The following TK2 variants were observed in gnomAD, a reference collection of about 807,000 sequenced individuals.
The protein encoded by TK2 is thymidine kinase 2, also known as thymidine kinase 2, mitochondrial.
Under a neutral mutation model 41.9 loss-of-function variants are expected in TK2, and 35 were observed. That is an observed-to-expected ratio of 0.84 (90% CI 0.64 to 1.11). The LOEUF is 1.11. TK2 is among the 50% of genes least tolerant of loss of function. The pLI is 0.00. For synonymous variants in TK2, 128 were observed against 129.1 expected (o/e 0.99, Z 0.06); for missense variants, 320 against 351.1 (o/e 0.91, Z 0.71).
chr16:66,531,416 C>T lies in TK2; in HGVS notation c.339G>A (p.Val113=). The T allele has an allele frequency of 6.2e-7, 1 of 1,614,210 alleles. No individual in the cohort carries two copies. ...SRWGLTLQTY[V]QLTMLDRHTR... ...TATGCCTGTCCAGCATGGTGAGCTGCACATAAGTCTGTAGCGTAAGACCCC... is the reference window on the plus strand; with the variant it reads ...TATGCCTGTCCAGCATGGTGAGCTGTACATAAGTCTGTAGCGTAAGACCCC... Residue 113 remains valine, a synonymous_variant, in exon 5 of 10, where the codon GTG becomes GTA. Coordinates refer to ENST00000544898, the MANE Select transcript of TK2 (RefSeq NM_004614.5).
chr16:66,550,198 C>G, upstream of TK2: 1 of 1,611,972 alleles, frequency 6.2e-7, no homozygotes. Flanking sequence ...TTCATCTCAG[C>G]AAGAGGAGAA....
intron 4 of TK2, among the ~76,000 whole-genome samples, chr16:66,534,235 C>T (rs1965210044): frequency 6.6e-6 from 1 of 152,054 alleles, no homozygotes; most frequent in Non-Finnish European, 1.5e-5. Context: ...CAGATGCACC[C>T]CTTCAACCCT....
chr16:66,527,261 T>C (rs1964962789), intron 6 of TK2, among the ~76,000 whole-genome samples: 1 of 152,206 alleles, frequency 6.6e-6, no homozygotes, highest in African/African-American at 2.4e-5. Flanking sequence ...TCACCTTGGC[T>C]GCCAGCCCCT....
At chr16:66,513,929 G>T (rs1964528894) in intron 8 of TK2, 118 bp from the exon 9 acceptor site, 2 of 892,988 alleles carry the variant, frequency 2.2e-6, no homozygotes, top group African/African-American at 1.7e-5. Context: ...TCAGACAAAG[G>T]AACCCTGCAA....
chr16:66,539,140 A>C (rs1965375338), intron 3 of TK2, among the ~76,000 whole-genome samples: 2 of 152,160 alleles, frequency 1.3e-5, no homozygotes, highest in Non-Finnish European at 2.9e-5. Context: ...TGAGACTATA[A>C]GCACTTCTAA....
At chr16:66,544,614 G>A (rs986917517) in intron 2 of TK2, among the ~76,000 whole-genome samples, 4 of 152,094 alleles carry the variant, frequency 2.6e-5, no homozygotes, top group Admixed American at 6.5e-5. Flanking sequence ...GCACATGGCC[G>A]GCCTGGCCCA....
At chr16:66,549,333 T>C (rs1965708917) in intron 1 of TK2, 2 of 1,165,326 alleles carry the variant, frequency 1.7e-6, no homozygotes, top group Non-Finnish European at 2.1e-6. Context: ...CAGCCTCCAC[T>C]CGCGGTGCAC....
chr16:66,528,953 T>G, intron 6 of TK2, 41 bp downstream of exon 6: 1 of 1,580,400 alleles, frequency 6.3e-7, no homozygotes, highest in South Asian at 1.1e-5. Context: ...TTTTGAAAAA[T>G]TAGTGGTTTA....
At chr16:66,543,752 C>A (rs560921916) in intron 2 of TK2, among the ~76,000 whole-genome samples, 4 of 152,198 alleles carry the variant, frequency 2.6e-5, no homozygotes, top group African/African-American at 9.6e-5. Context: ...GCCGTCTCAC[C>A]CGACCCCACT....
At chr16:66,536,884 G>T (rs1351034908) in intron 4 of TK2, 80 bp downstream of exon 4, 3 of 1,520,702 alleles carry the variant, frequency 2.0e-6, no homozygotes, top group African/African-American at 1.4e-5. Flanking sequence ...GCCTGGGCAG[G>T]CAGGGCTCAG....
Position 66,508,707 on chromosome 16 carries a change from G to A in TK2, c.*3261C>T, listed in dbSNP as rs1175637187. ...TCGGGTCTAATGGTGCATGTCTGCA[G>A]GAAGATTGTTCTGACTGATATATTC... On this transcript the variant is annotated 3_prime_UTR_variant, in exon 10 of 10. Coordinates refer to ENST00000544898, the MANE Select transcript of TK2 (RefSeq NM_004614.5). 1 of 152,270 alleles carries A rather than the reference G, an allele frequency of 6.6e-6. No individual in the cohort carries two copies. Among genetic ancestry groups the A allele is most frequent in the Non-Finnish European group, 1.5e-5 (1 of 68,064 alleles). 9.4% of individuals were successfully genotyped at this position (152,270 alleles called of 1,614,324 possible). A position where few individuals can be genotyped will look rare whatever the true frequency, so the allele number is the denominator to read the frequency against.
intron 3 of TK2, among the ~76,000 whole-genome samples, chr16:66,538,327 T>A (rs1965350897): frequency 6.6e-6 from 1 of 152,118 alleles, no homozygotes; most frequent in African/African-American, 2.4e-5. Flanking sequence ...AACTCCTGTA[T>A]ACCCTTCAAA....
At chr16:66,513,499 AG>A (rs1964511751) in intron 9 of TK2, among the ~76,000 whole-genome samples, 1 of 152,206 alleles carries the variant, frequency 6.6e-6, no homozygotes, top group African/African-American at 2.4e-5. Context: ...GACAACTGCC[AG>A]GTGTGATGGC....
chr16:66,537,777 C>T (rs1408365335), intron 3 of TK2, among the ~76,000 whole-genome samples: 2 of 152,172 alleles, frequency 1.3e-5, no homozygotes, highest in African/African-American at 4.8e-5. Context: ...CTTCAGAGTG[C>T]CAGGATCCAT....
In TK2 at chr16:66,510,521, C is replaced by G. The variant is rs1964420768; in HGVS notation, c.*1447G>C. The G allele has an allele frequency of 6.6e-6, 1 of 152,252 alleles. No individual in the cohort carries two copies. The highest frequency in any genetic ancestry group is 2.4e-5 in the African/African-American group (1 of 41,456). 9.4% of individuals were successfully genotyped at this position (152,252 alleles called of 1,614,324 possible). ...TGACTTCCTAACTCTCTGGGACTGG[C>G]CCAGCAGGGGCACTTGGCACCTCTG... On this transcript the variant is annotated 3_prime_UTR_variant, in exon 10 of 10. Coordinates refer to ENST00000544898, the MANE Select transcript of TK2 (RefSeq NM_004614.5).
chr16:66,522,116 C>T (rs974576674), intron 6 of TK2, among the ~76,000 whole-genome samples: 1 of 152,166 alleles, frequency 6.6e-6, no homozygotes, highest in African/African-American at 2.4e-5. Context: ...CTCTCCCTAC[C>T]CCCAAACCCA....
At chr16:66,535,444 G>A (rs1965247983) in intron 4 of TK2, among the ~76,000 whole-genome samples, 1 of 152,122 alleles carries the variant, frequency 6.6e-6, no homozygotes, top group South Asian at 2.1e-4. Flanking sequence ...ATGTTACAGA[G>A]GTTTCTTTGT....
rs1054681621 is a variant in TK2, at chr16:66,509,197, G to A, written c.*2771C>T. On this transcript the variant is annotated 3_prime_UTR_variant, in exon 10 of 10. Transcript: ENST00000544898. ...ATCTGGATTAAAGAGTGGATGGGGA[G>A]CAGTGGGCTCTGATGCCAACCGTGC... The A allele has an allele frequency of 6.6e-6, 1 of 152,390 alleles. No individual in the cohort carries two copies. Among genetic ancestry groups the A allele is most frequent in the African/African-American group, 2.4e-5 (1 of 41,588 alleles). The allele number at this position is 152,390 out of a possible 1,614,324, so 9.4% of individuals were successfully genotyped here.
chr16:66,531,533 CAA>C lies in TK2; in HGVS notation c.286-66_286-65del. Reference sequence around the variant, plus strand: ...CATCTGCAGGAGGACCCTGGTCTCACAAGGCACTGAAGGACAGCTCAAGAAAC... The same window carrying C: ...CATCTGCAGGAGGACCCTGGTCTCACGGCACTGAAGGACAGCTCAAGAAAC... On this transcript the variant is annotated intron_variant, in intron 4 of 9. Transcript: ENST00000544898. The C allele has an allele frequency of 4.6e-6, 7 of 1,518,454 alleles. No homozygotes were observed. The South Asian group carries it at 8.0e-5, about 17-fold the overall frequency. The allele number at this position is 1,518,454 out of a possible 1,614,324, so 94.1% of individuals were successfully genotyped here.
Sources: allele counts gnomAD v4.1 joint callset (sites outside exome capture counted in the v4.1 genomes callset), GRCh38; gene constraint gnomAD v4.1.1; transcripts MANE v1.5; gene names NCBI Gene and HGNC (gene_info 2026-07-23, HGNC 2026-07-21).